Variants in UBE2J2 observed in about 807,000 individuals in gnomAD.
UBE2J2 encodes ubiquitin-conjugating enzyme E2 J2.
A neutral mutation model predicts 28.6 loss-of-function variants in UBE2J2; 5 were observed. The observed-to-expected ratio is 0.17, with a 90% CI of 0.09 to 0.37. UBE2J2 has a LOEUF of 0.37. Among genes scored for constraint, UBE2J2 ranks in the 10% least tolerant of loss-of-function variants. The pLI is 1.00. For synonymous variants in UBE2J2, 138 were observed against 139.7 expected, an observed-to-expected ratio of 0.99 and a Z score of 0.09; for missense variants, 226 against 338.9, an observed-to-expected ratio of 0.67 and a Z score of 2.62.
At chr1:1,265,003 A>G (rs1454403588) in intron 2 of UBE2J2, among the ~76,000 whole-genome samples, 2 of 152,180 alleles carry the variant, frequency 1.3e-5, no homozygotes, top group East Asian at 3.8e-4. Context: ...TGCCATTATC[A>G]TGTGTCATTG....
At chr1:1,272,343 C>T (rs2100265422) in intron 1 of UBE2J2, among the ~76,000 whole-genome samples, 1 of 152,342 alleles carries the variant, frequency 6.6e-6, no homozygotes, top group South Asian at 2.1e-4. Flanking sequence ...TGCATTAAAG[C>T]AGCGTGAATC....
Position 1,268,844 on chromosome 1 carries a change from A to C in UBE2J2, c.1-852T>G, listed in dbSNP as rs796690894. Among the ~76,000 whole-genome samples the C allele has an allele frequency of 3.0e-4, 44 of 147,088 alleles. 2 individuals carry two copies. The highest frequency in any genetic ancestry group is 1.1e-3 in the African/African-American group (43 of 40,456). On this transcript the variant is annotated intron_variant, in intron 1 of 6. Coordinates refer to ENST00000349431, the MANE Select transcript of UBE2J2 (RefSeq NM_058167.3). This position sits in a 1 kb window ranked among gnomAD's most constrained non-coding sequence, Gnocchi z 4.7. ...AGACGCATGCCACCACGCCTAGCTA[A>C]TTTTTTTTTTTTTGTAGAGCTGGGA... is the stretch of plus-strand genomic sequence containing the variant.
At chr1:1,264,441 C>T (rs2101070297) in intron 2 of UBE2J2, among the ~76,000 whole-genome samples, 1 of 152,298 alleles carries the variant, frequency 6.6e-6, no homozygotes, top group South Asian at 2.1e-4. Context: ...ATCATCTTTC[C>T]CCTTGCTCTG....
chr1:1,263,178 C>T (rs1639661433), intron 3 of UBE2J2, 168 bp downstream of exon 3: 1 of 671,006 alleles, frequency 1.5e-6, no homozygotes. Flanking sequence ...GCAAACACTT[C>T]CAGCGTGTGG....
chr1:1,271,881 G>A (rs1234464924), intron 1 of UBE2J2, among the ~76,000 whole-genome samples: 4 of 150,092 alleles, frequency 2.7e-5, no homozygotes, highest in African/African-American at 9.9e-5. Context: ...GACTGAGGCA[G>A]GAGAATCACT....
chr1:1,258,038 T>C (rs920105835), intron 3 of UBE2J2, among the ~76,000 whole-genome samples: 2 of 151,716 alleles, frequency 1.3e-5, no homozygotes, highest in African/African-American at 2.4e-5. Flanking sequence ...CTTTTTTTTG[T>C]TTTGTTTTGT....
chr1:1,256,478 TAAAAGC>T (rs1639179777), intron 5 of UBE2J2: 1 of 253,438 alleles, frequency 3.9e-6, no homozygotes, highest in South Asian at 4.8e-5. Context: ...TGGATGTGGA[TAAAAGC>T]AAGACCGAGA....
At chr1:1,272,424 G>A (rs2100266246) in intron 1 of UBE2J2, among the ~76,000 whole-genome samples, 1 of 152,340 alleles carries the variant, frequency 6.6e-6, no homozygotes, top group Admixed American at 6.5e-5. Flanking sequence ...CTCTTTGTCT[G>A]GACAGCTCTT....
chr1:1,257,366 G>C, intron 3 of UBE2J2, 56 bp from the exon 4 acceptor site: 1 of 1,059,486 alleles, frequency 9.4e-7, no homozygotes, highest in Admixed American at 2.2e-5. Context: ...GGGGCTCCTG[G>C]AGACCTCGTC....
chr1:1,272,259 A>G (rs1357244584), intron 1 of UBE2J2, among the ~76,000 whole-genome samples: 2 of 152,184 alleles, frequency 1.3e-5, no homozygotes, highest in East Asian at 3.8e-4. Context: ...CAAGCATATC[A>G]TCCTGCTGAG....
intron 3 of UBE2J2, among the ~76,000 whole-genome samples, chr1:1,258,287 C>T (rs1049854293): frequency 6.6e-6 from 1 of 152,104 alleles, no homozygotes; most frequent in Admixed American, 6.5e-5. Flanking sequence ...ATGATCCGCC[C>T]GCCTCGGCCT....
intron 1 of UBE2J2, among the ~76,000 whole-genome samples, chr1:1,271,974 CAAAAAAAAA>C (rs60924258): frequency 2.3e-3 from 63 of 27,620 alleles, no homozygotes; most frequent in East Asian, 0.02. Context: ...AACTCCGTCT[CAAAAAAAAA>C]AAAAAAAAAA....
At position 1,268,442 on chromosome 1, in the gene UBE2J2, G is replaced by A. The variant is rs1000317772; in HGVS notation, c.1-450C>T. Among the ~76,000 whole-genome samples the A allele has an allele frequency of 2.6e-5, 4 of 152,110 alleles. No individual in the cohort carries two copies. Among genetic ancestry groups the A allele is most frequent in the Non-Finnish European group, 4.4e-5 (3 of 68,018 alleles). On this transcript the variant is annotated intron_variant, in intron 1 of 6. Coordinates refer to ENST00000349431, the MANE Select transcript of UBE2J2 (RefSeq NM_058167.3). This position sits in a 1 kb window ranked among gnomAD's most constrained non-coding sequence, Gnocchi z 4.7. ...AGGCACCACCGCCGGCCCCTTCACC[G>A]CACCCGGAAGCCCGCTGCCCAGCAT...
chr1:1,255,760 T>C (rs1639139026), intron 6 of UBE2J2, among the ~76,000 whole-genome samples: 1 of 152,204 alleles, frequency 6.6e-6, no homozygotes, highest in South Asian at 2.1e-4. Flanking sequence ...TGGCAGCCGC[T>C]GTGCCTCCCA....
intron 3 of UBE2J2, among the ~76,000 whole-genome samples, chr1:1,258,734 A>T (rs1369889606): frequency 6.6e-6 from 1 of 151,866 alleles, no homozygotes; most frequent in Non-Finnish European, 1.5e-5. Flanking sequence ...TATCACACCC[A>T]CTCCATGAGC....
intron 2 of UBE2J2, 21 bp downstream of exon 2, chr1:1,267,841 A>G (rs1557565690): frequency 6.2e-7 from 1 of 1,612,756 alleles, no homozygotes; most frequent in Non-Finnish European, 8.5e-7. Flanking sequence ...GCGCAGGGCG[A>G]TCAGTGGCGC....
chr1:1,270,977 T>C (rs1285513492), intron 1 of UBE2J2, among the ~76,000 whole-genome samples: 1 of 152,078 alleles, frequency 6.6e-6, no homozygotes, highest in Non-Finnish European at 1.5e-5. Context: ...TACTGGAAAC[T>C]CCCCAGGCCC....
At chr1:1,258,838 C>T (rs566577802) in intron 3 of UBE2J2, among the ~76,000 whole-genome samples, 1 of 152,340 alleles carries the variant, frequency 6.6e-6, no homozygotes, top group South Asian at 2.1e-4. Context: ...TGAGCTGCCT[C>T]ATGGCAGCCC....
At chr1:1,256,858 G>A (rs745709616) in intron 5 of UBE2J2, 134 bp downstream of exon 5, 316 of 895,074 alleles carry the variant, frequency 3.5e-4, no homozygotes, top group Non-Finnish European at 4.6e-4. Flanking sequence ...CTGCACTCCA[G>A]CCTGGAGACA....
Sources: allele counts gnomAD v4.1 joint callset (sites outside exome capture counted in the v4.1 genomes callset), GRCh38; gene constraint gnomAD v4.1.1; non-coding constraint Gnocchi (gnomAD v3.1); transcripts MANE v1.5; gene names NCBI Gene and HGNC (gene_info 2026-07-23, HGNC 2026-07-21).